The following ATP10D variants were observed in gnomAD, a reference collection of about 807,000 sequenced individuals.
ATP10D encodes phospholipid-transporting ATPase VD.
A neutral mutation model predicts 144.8 loss-of-function variants in ATP10D; 89 were observed. The ratio of observed to expected loss-of-function variants is 0.61; its 90% CI spans 0.52 to 0.73. The LOEUF is 0.73. ATP10D is among the 30% of genes least tolerant of loss of function. The pLI, the probability that ATP10D is intolerant of heterozygous loss-of-function variation, is 0.00. For synonymous variants in ATP10D, 571 were observed against 615.1 expected (o/e 0.93, Z 1.06); for missense variants, 1,603 against 1,714.8 (o/e 0.93, Z 1.15).
At position 47,568,801 on chromosome 4, in the gene ATP10D, G is replaced by A. The variant is rs765242495; in HGVS notation, c.2854-36G>A. 58 of 1,569,300 alleles carry A rather than the reference G, an allele frequency of 3.7e-5. No individual in the cohort carries two copies. In the East Asian group the frequency reaches 5.0e-4, roughly 13 times the overall value. ...TGTAACTGGTTCTGACACCAAGGGC[G>A]CCTGGAGGCTAACCACCTTTGCCTC... On this transcript the variant is annotated intron_variant, in intron 15 of 22. Coordinates refer to ENST00000273859, the MANE Select transcript of ATP10D (RefSeq NM_020453.4).
chr4:47,487,629 A>T (rs946309995), intron 1 of ATP10D, among the ~76,000 whole-genome samples: 1 of 152,234 alleles, frequency 6.6e-6, no homozygotes, highest in African/African-American at 2.4e-5. Context: ...ATTCCTCGTC[A>T]GTTATTCCTT....
chr4:47,535,759 G>A (rs1402251506), intron 6 of ATP10D, 143 bp from the exon 7 acceptor site: 1 of 1,313,856 alleles, frequency 7.6e-7, no homozygotes, highest in Non-Finnish European at 1.0e-6. Flanking sequence ...TTTTCTAAAT[G>A]GATCACAAAA....
intron 3 of ATP10D, among the ~76,000 whole-genome samples, chr4:47,522,152 C>A (rs1048639346): frequency 6.6e-6 from 1 of 152,178 alleles, no homozygotes; most frequent in African/African-American, 2.4e-5. Flanking sequence ...ACCTAACTAG[C>A]TAACATGACA....
At chr4:47,587,297 C>T (rs771342805) in intron 22 of ATP10D, 91 bp downstream of exon 22, 3 of 1,177,616 alleles carry the variant, frequency 2.5e-6, no homozygotes, top group Non-Finnish European at 2.4e-6. Context: ...GGTTGGCAGC[C>T]CACCCTGTTT....
Position 47,568,891 on chromosome 4 carries a change from C to T in ATP10D, c.2908C>T (p.Gln970Ter), listed in dbSNP as rs747333512. Residue 970 changes from glutamine to a stop codon, truncating the protein, a stop_gained, in exon 16 of 23, where the codon CAA (glutamine) becomes TAA (stop). Coordinates refer to ENST00000273859, the MANE Select transcript of ATP10D (RefSeq NM_020453.4). LOFTEE classifies it high-confidence loss of function. Reference sequence around the variant, plus strand: ...TTTGAAAGAACTTCAGAAGAAAACTCAAGCCCTGCCAGAGCAAGTGTCATT... The same window carrying T: ...TTTGAAAGAACTTCAGAAGAAAACTTAAGCCCTGCCAGAGCAAGTGTCATT... Reference protein sequence around the residue: ...TILKELQKKTQALPEQVSLSE... With the variant: ...TILKELQKKT The T allele has an allele frequency of 3.7e-6, 6 of 1,614,032 alleles. No homozygotes were observed. The South Asian group carries it at 6.6e-5, about 18-fold the overall frequency.
intron 18 of ATP10D, among the ~76,000 whole-genome samples, chr4:47,573,655 C>G (rs6447568): frequency 0.45 from 67,849 of 152,018 alleles, 15,596 homozygotes; most frequent in East Asian, 0.7. Flanking sequence ...TAAAATCATA[C>G]GTAATCAGAC....
At chr4:47,529,705 C>T (rs944689993) in intron 5 of ATP10D, among the ~76,000 whole-genome samples, 11 of 151,966 alleles carry the variant, frequency 7.2e-5, no homozygotes, top group Admixed American at 1.3e-4. Flanking sequence ...ATAGGAATTA[C>T]GTTGAATCTG....
At position 47,580,418 on chromosome 4, in the gene ATP10D, C is replaced by T; in HGVS notation, c.3588C>T (p.Phe1196=). Residue 1196 remains phenylalanine, a synonymous_variant, in exon 20 of 23, where the codon TTC becomes TTT. Coordinates refer to ENST00000273859, the MANE Select transcript of ATP10D (RefSeq NM_020453.4). The stretch of plus-strand genomic sequence containing the variant: ...TCTAGGCATACTTACCCCATACCTT[C>T]TGGATCACCTTATTGGATGCTTTTT... ...QKSEAYLPHT[F]WITLLDAFYQ... The T allele has an allele frequency of 6.2e-7, 1 of 1,613,734 alleles. No homozygotes were observed. The highest frequency in any genetic ancestry group is 1.3e-5 in the African/African-American group (1 of 75,026).
chr4:47,512,074 A>C (rs1018120363), intron 1 of ATP10D, among the ~76,000 whole-genome samples: 2 of 152,278 alleles, frequency 1.3e-5, no homozygotes, highest in Non-Finnish European at 2.9e-5. Flanking sequence ...TAATCCACAT[A>C]GAATGGGTTT....
rs35012290 is a variant in ATP10D, at chr4:47,536,027, G to T, written c.1009G>T (p.Ala337Ser). 9.3e-6 allele frequency: 15 copies of T among 1,604,310 alleles called. No homozygotes were observed. Among genetic ancestry groups the T allele is most frequent in the Admixed American group, 1.7e-5 (1 of 57,606 alleles). Residue 337 changes from alanine to serine, a missense_variant, in exon 7 of 23, where the codon GCA (alanine) becomes TCA (serine). Physicochemically the swap from Ala to Ser is moderately conservative, Grantham distance 99. Transcript: ENST00000273859. ...MLLVIMCLTGAVGHGIWLSRY... is the reference protein window; with the variant it reads ...MLLVIMCLTGSVGHGIWLSRY... ...TCTGGTCATAATGTGCTTAACTGGC[G>T]CAGTAGGTAGGTAAAATTTGATTAT...
chr4:47,546,790 T>C lies in ATP10D; in HGVS notation c.1563T>C (p.Ser521=). The C allele has an allele frequency of 6.2e-7, 1 of 1,613,822 alleles. No individual in the cohort carries two copies. Among genetic ancestry groups the C allele is most frequent in the East Asian group, 2.2e-5 (1 of 44,882 alleles). The change falls in exon 10 of 23, where the codon TCT becomes TCC. Residue 521 remains serine (S), a synonymous_variant. Transcript: ENST00000273859. ...NKPSNHLAGS[S]FTLGSGEGAS... is the part of the protein sequence containing the mutation. ...CCTCAAATCATCTTGCTGGGAGCTC[T>C]TTTACTCTAGGAAGTGGAGAAGGAG...
chr4:47,522,266 A>G (rs927031597), intron 3 of ATP10D, among the ~76,000 whole-genome samples: 2 of 152,210 alleles, frequency 1.3e-5, no homozygotes, highest in Admixed American at 1.3e-4. Context: ...ATCGTGGAGC[A>G]TAATGGTAAC....
intron 9 of ATP10D, among the ~76,000 whole-genome samples, chr4:47,543,287 G>A (rs191234028): frequency 1.3e-3 from 191 of 152,166 alleles, no homozygotes; most frequent in African/African-American, 4.3e-3. Flanking sequence ...TCCACTGGGG[G>A]TCTTGGAACA....
chr4:47,491,467 C>T lies in ATP10D; in HGVS notation c.-38+5948C>T, dbSNP rs1031162314. On this transcript the variant is annotated intron_variant, in intron 1 of 22. Coordinates refer to ENST00000273859, the MANE Select transcript of ATP10D (RefSeq NM_020453.4). ...TTTCCCTTTGTGTTTGTCATTTTGGCGAATTACTGGAAGATGGTGGTTCTG... is the reference window on the plus strand; with the variant it reads ...TTTCCCTTTGTGTTTGTCATTTTGGTGAATTACTGGAAGATGGTGGTTCTG... 127 of 685,454 alleles carry T rather than the reference C, an allele frequency of 1.9e-4. 4 individuals are homozygous for T. The Admixed American group carries it at 2.2e-3, about 12-fold the overall frequency. The allele number at this position is 685,454 out of a possible 1,614,324, so 42.5% of individuals were successfully genotyped here. A position where few individuals can be genotyped will look rare whatever the true frequency, so the allele number is the denominator to read the frequency against.
intron 15 of ATP10D, among the ~76,000 whole-genome samples, chr4:47,566,354 C>T (rs1719638880): frequency 1.3e-5 from 2 of 152,130 alleles, no homozygotes; most frequent in African/African-American, 4.8e-5. Flanking sequence ...AAAGGCCTTT[C>T]AGGATTGGTC....
chr4:47,571,935 T>TA (rs1236472249), intron 16 of ATP10D, among the ~76,000 whole-genome samples: 1 of 152,116 alleles, frequency 6.6e-6, no homozygotes, highest in Non-Finnish European at 1.5e-5. Flanking sequence ...GTAGGTGCCA[T>TA]AGCGTGAAGG....
At chr4:47,495,133 A>T (rs189873147) in intron 1 of ATP10D, among the ~76,000 whole-genome samples, 1 of 152,348 alleles carries the variant, frequency 6.6e-6, no homozygotes, top group Admixed American at 6.5e-5. Flanking sequence ...CAAGAAGCTT[A>T]TACACTAAAC....
Position 47,591,115 on chromosome 4 carries a change from A to G in ATP10D, c.4015A>G (p.Thr1339Ala). The change falls in exon 23 of 23, where the codon ACT becomes GCT. Residue 1339 changes from threonine (T) to alanine (A), a missense_variant. By Grantham distance (58) the Thr-to-Ala change is moderately conservative. Transcript: ENST00000273859. ...ILRAKHFDRL[T>A]PEERTKALKK... The stretch of plus-strand genomic sequence containing the variant: ...GAGAGCTAAGCACTTTGACAGACTA[A>G]CTCCAGAGGAGAGGACTAAAGCTCT... 6.2e-7 allele frequency: 1 copy of G among 1,613,210 alleles called. No individual in the cohort carries two copies.
At chr4:47,504,036 T>C (rs574226337) in intron 1 of ATP10D, among the ~76,000 whole-genome samples, 1 of 152,350 alleles carries the variant, frequency 6.6e-6, no homozygotes, top group Middle Eastern at 3.4e-3. Context: ...ACTGGGGATT[T>C]AGTTCAAGGT....
Sources: allele counts gnomAD v4.1 joint callset (sites outside exome capture counted in the v4.1 genomes callset), GRCh38; gene constraint gnomAD v4.1.1; transcripts MANE v1.5; gene names NCBI Gene and HGNC (gene_info 2026-07-23, HGNC 2026-07-21).